NRXN3: variants seen among roughly 807,000 people sequenced by gnomAD.
NRXN3 encodes the protein neurexin III.
In NRXN3, 32 loss-of-function variants were observed where a neutral mutation model predicts 137.6. That is an observed-to-expected ratio of 0.23 (90% confidence interval 0.18 to 0.31). NRXN3 has a LOEUF of 0.31. Ranked by LOEUF, NRXN3 falls within the 10% of genes least tolerant of loss-of-function variation. The pLI, the probability that NRXN3 is intolerant of heterozygous loss-of-function variation, is 1.00. For synonymous variants in NRXN3, 798 were observed against 784.5 expected (o/e 1.02, Z -0.29); for missense variants, 1,574 against 2,062.5 (o/e 0.76, Z 4.59).
chr14:79,809,694 T>G (rs909375032), intron 20 of NRXN3, among the ~76,000 whole-genome samples: 2 of 152,224 alleles, frequency 1.3e-5, no homozygotes, highest in African/African-American at 4.8e-5. Flanking sequence ...AAATGTTAAT[T>G]GTGTTCTTCA....
chr14:78,943,893 G>A (rs1160645853), intron 10 of NRXN3, among the ~76,000 whole-genome samples: 2 of 151,486 alleles, frequency 1.3e-5, no homozygotes, highest in East Asian at 3.9e-4. Context: ...AATCTGGTTG[G>A]GGATATGGAT....
At chr14:79,533,200 T>A (rs746834211) in intron 16 of NRXN3, among the ~76,000 whole-genome samples, 1 of 149,312 alleles carries the variant, frequency 6.7e-6, no homozygotes, top group Admixed American at 6.6e-5. Flanking sequence ...ATGAGAAAAC[T>A]GAGAGAGACC....
intron 10 of NRXN3, among the ~76,000 whole-genome samples, chr14:78,856,853 C>T (rs1056965573): frequency 6.6e-6 from 1 of 152,096 alleles, no homozygotes; most frequent in Admixed American, 6.5e-5. Flanking sequence ...CCTGCCTTGG[C>T]CTCCCGAGTA....
At chr14:79,700,098 G>A (rs547683830) in intron 19 of NRXN3, among the ~76,000 whole-genome samples, 53 of 152,104 alleles carry the variant, frequency 3.5e-4, no homozygotes, top group African/African-American at 1.2e-3. Flanking sequence ...AGCCTAGTCT[G>A]GTCTTAAACA....
intron 4 of NRXN3, among the ~76,000 whole-genome samples, chr14:78,567,984 G>T (rs2096852355): frequency 6.6e-6 from 1 of 152,086 alleles, no homozygotes; most frequent in Admixed American, 6.5e-5. Flanking sequence ...AGAGAAGATA[G>T]AACTACACAT....
intron 10 of NRXN3, among the ~76,000 whole-genome samples, chr14:78,853,299 T>G (rs923900461): frequency 1.3e-5 from 2 of 152,168 alleles, no homozygotes; most frequent in Admixed American, 6.5e-5. Context: ...TTCCTACCTA[T>G]GAGTGAGAAC....
intron 4 of NRXN3, among the ~76,000 whole-genome samples, chr14:78,352,660 A>G (rs757954161): frequency 9.2e-5 from 14 of 152,204 alleles, no homozygotes; most frequent in Admixed American, 1.3e-4. Flanking sequence ...CTGCCATCTC[A>G]GAAATCACTT....
intron 10 of NRXN3, among the ~76,000 whole-genome samples, chr14:78,889,696 C>G (rs555408095): frequency 1.3e-5 from 2 of 152,078 alleles, no homozygotes; most frequent in South Asian, 4.1e-4. Context: ...AAAGCTCTGG[C>G]CTCAAGGATT....
intron 10 of NRXN3, among the ~76,000 whole-genome samples, chr14:78,873,665 T>A (rs1420709746): frequency 1.3e-5 from 2 of 152,156 alleles, no homozygotes; most frequent in African/African-American, 4.8e-5. Context: ...CAAAAGCATA[T>A]TTTTAGAAGA....
chr14:78,183,085 G>C (rs1409428123), intron 1 of NRXN3, among the ~76,000 whole-genome samples: 1 of 152,126 alleles, frequency 6.6e-6, no homozygotes, highest in Non-Finnish European at 1.5e-5. Context: ...TCTGGGCCTG[G>C]GAGAACCCAG....
intron 14 of NRXN3, among the ~76,000 whole-genome samples, chr14:78,986,707 C>T (rs534709342): frequency 5.2e-4 from 79 of 152,120 alleles, no homozygotes; most frequent in Middle Eastern, 3.4e-3. Flanking sequence ...CATGCTCCAG[C>T]GCATGCACAC....
intron 2 of NRXN3, among the ~76,000 whole-genome samples, chr14:78,269,295 A>G (rs558935212): frequency 1.3e-5 from 2 of 152,346 alleles, no homozygotes; most frequent in African/African-American, 4.8e-5. Flanking sequence ...ATGCTACAAC[A>G]TGAATGAACC....
At chr14:78,937,185 GAA>G (rs199876825) in intron 10 of NRXN3, among the ~76,000 whole-genome samples, 26,303 of 98,224 alleles carry the variant, frequency 0.27, 3,131 homozygotes, top group East Asian at 0.51. Flanking sequence ...TCGTGCCATT[GAA>G]AAAAAAAAAA....
intron 15 of NRXN3, among the ~76,000 whole-genome samples, chr14:79,330,439 T>G (rs1161493058): frequency 1.3e-5 from 2 of 152,150 alleles, no homozygotes; most frequent in Admixed American, 1.3e-4. Context: ...TCCCTGAACC[T>G]GTATTGTGTG....
chr14:78,566,991 C>A (rs2096842434), intron 4 of NRXN3, among the ~76,000 whole-genome samples: 2 of 152,090 alleles, frequency 1.3e-5, no homozygotes, highest in Non-Finnish European at 2.9e-5. Context: ...AGAGGAACAT[C>A]CCTGGGAGAG....
chr14:78,683,480 G>A (rs74660125), intron 6 of NRXN3, among the ~76,000 whole-genome samples: 3,426 of 152,236 alleles, frequency 0.023, 124 homozygotes, highest in African/African-American at 0.077. Flanking sequence ...TTAGTTTGTA[G>A]AAAAACACAC....
intron 4 of NRXN3, among the ~76,000 whole-genome samples, chr14:78,510,093 C>T (rs1373260747): frequency 6.8e-6 from 1 of 147,342 alleles, no homozygotes; most frequent in Middle Eastern, 3.2e-3. Flanking sequence ...TAGTAACATA[C>T]TAGTTGCAAG....
At chr14:79,857,370 A>T (rs886943340) in intron 20 of NRXN3, among the ~76,000 whole-genome samples, 1 of 151,958 alleles carries the variant, frequency 6.6e-6, no homozygotes, top group Admixed American at 6.6e-5. Context: ...TACAGGTGCC[A>T]GCCACTATGC....
At chr14:78,688,234 A>G (rs549250296) in intron 6 of NRXN3, among the ~76,000 whole-genome samples, 2 of 152,310 alleles carry the variant, frequency 1.3e-5, no homozygotes, top group South Asian at 4.1e-4. Flanking sequence ...AGGAATTCCT[A>G]TAGAGAAGGA....
Sources: allele counts gnomAD v4.1 joint callset (sites outside exome capture counted in the v4.1 genomes callset), GRCh38; gene constraint gnomAD v4.1.1; transcripts MANE v1.5; gene names NCBI Gene and HGNC (gene_info 2026-07-23, HGNC 2026-07-21).